The following C16orf96 variants were observed in gnomAD, a reference collection of about 807,000 sequenced individuals.
The protein encoded by C16orf96 is uncharacterized protein C16orf96.
Under a neutral mutation model 103.6 loss-of-function variants are expected in C16orf96, and 108 were observed. The ratio of observed to expected loss-of-function variants is 1.04; its 90% CI spans 0.89 to 1.22. The LOEUF (loss-of-function observed/expected upper bound fraction) is 1.22. Among genes scored for constraint, C16orf96 ranks in the 50% most tolerant of loss-of-function variants. The pLI is 0.00. For missense variants in C16orf96, 1,586 were observed against 1,464.2 expected, an observed-to-expected ratio of 1.08 and a Z score of -1.36; for synonymous variants, 566 against 593.5, an observed-to-expected ratio of 0.95 and a Z score of 0.67.
Position 4,575,922 on chromosome 16 carries a change from A to G in C16orf96, c.1442A>G (p.Asp481Gly). 1 of 1,551,570 alleles carries G rather than the reference A, an allele frequency of 6.4e-7. No homozygotes were observed. The highest frequency in any genetic ancestry group is 1.4e-5 in the African/African-American group (1 of 73,164). The change falls in exon 5 of 16, where the codon GAT (aspartate) becomes GGT (glycine). Residue 481 changes from aspartate to glycine, a missense_variant. Transcript: ENST00000444310. Reference sequence around the variant, plus strand: ...GCCCGCAAGGATGGGGCCCCCAAGGATAGAACTCGCAAGGATGGGGTCCCC... The same window carrying G: ...GCCCGCAAGGATGGGGCCCCCAAGGGTAGAACTCGCAAGGATGGGGTCCCC... ...ERARKDGAPK[D>G]RTRKDGVPKD... is the part of the protein sequence containing the mutation.
In C16orf96 at chr16:4,569,921, T is replaced by C. The variant is rs558164598; in HGVS notation, c.421-1640T>C. Among the ~76,000 whole-genome samples, 11 of 152,202 alleles carry C rather than the reference T, an allele frequency of 7.2e-5. No homozygotes were observed. The South Asian group carries it at 1.9e-3, about 26-fold the overall frequency. On this transcript the variant is annotated intron_variant, in intron 1 of 15. Transcript: ENST00000444310. Reference sequence around the variant, plus strand: ...GTTGAAAGCGTGCCCATGGCCACTTTTACAACTTACTTCTTCCCAGGAAGG... The same window carrying C: ...GTTGAAAGCGTGCCCATGGCCACTTCTACAACTTACTTCTTCCCAGGAAGG...
chr16:4,587,030 T>C lies in C16orf96; in HGVS notation c.2353-9T>C, dbSNP rs1896942901. On this transcript the variant is annotated splice_polypyrimidine_tract_variant and intron_variant, in intron 7 of 15. Transcript: ENST00000444310. Reference sequence around the variant, plus strand: ...AGGATGGCAGACATGCCTGTGCTTCTGTTCTTAGACTCTCCAGGCTCAAAT... The same window carrying C: ...AGGATGGCAGACATGCCTGTGCTTCCGTTCTTAGACTCTCCAGGCTCAAAT... 1 of 1,551,038 alleles carries C rather than the reference T, an allele frequency of 6.4e-7. No homozygotes were observed. Among genetic ancestry groups the C allele is most frequent in the Admixed American group, 2.0e-5 (1 of 50,968 alleles).
chr16:4,588,442 A>C, intron 9 of C16orf96, 111 bp downstream of exon 9: 1 of 1,271,876 alleles, frequency 7.9e-7, no homozygotes, highest in Non-Finnish European at 1.1e-6. Flanking sequence ...TTTGGGAGTG[A>C]CCCAGCAACT....
rs562927009 is a variant in C16orf96 at position 4,574,845 on chromosome 16, G to A, written c.606+56G>A. On this transcript the variant is annotated intron_variant, in intron 3 of 15. Coordinates refer to ENST00000444310, the MANE Select transcript of C16orf96 (RefSeq NM_001145011.2). ...TCCCCCTGGGACCCCCCAACCTCCC[G>A]GGTCCTGGGTGCTGAGGGTAGGGAG... 5.4e-5 allele frequency: 83 copies of A among 1,535,210 alleles called. No homozygotes were observed. In the South Asian group the frequency reaches 6.2e-4, roughly 11 times the overall value.
the C16orf96 span, among the ~76,000 whole-genome samples, chr16:4,541,012 CA>C: frequency 1.3e-5 from 2 of 151,670 alleles, no homozygotes; most frequent in Non-Finnish European, 2.9e-5. Flanking sequence ...CTCCCAGGTT[CA>C]AGCAATTCTC....
At chr16:4,572,888 C>T (rs1162305410) in intron 2 of C16orf96, among the ~76,000 whole-genome samples, 1 of 152,170 alleles carries the variant, frequency 6.6e-6, no homozygotes, top group Non-Finnish European at 1.5e-5. Flanking sequence ...AGGCAGCTGT[C>T]CCCGTCACAA....
In C16orf96 at chr16:4,599,264, CTCTTT is replaced by C. The variant is rs779349009; in HGVS notation, c.3128-11_3128-7del. On this transcript the variant is annotated splice_polypyrimidine_tract_variant and intron_variant, in intron 14 of 15. Transcript: ENST00000444310. ...AGGGGTGGATGCCACCCACACCTGT[CTCTTT>C]TCTTTTCTGCTAAGCTGTGAAGGCT... 6.5e-6 allele frequency: 10 copies of C among 1,550,002 alleles called. No homozygotes were observed. The highest frequency in any genetic ancestry group is 8.7e-6 in the Non-Finnish European group (10 of 1,145,562).
At position 4,590,835 on chromosome 16, in the gene C16orf96, A is replaced by T. The variant is rs183107502; in HGVS notation, c.2593-831A>T. Among the ~76,000 whole-genome samples, 306 of 150,546 alleles carry T rather than the reference A, an allele frequency of 2.0e-3. 1 individual carries two copies. Among genetic ancestry groups the T allele is most frequent in the Non-Finnish European group, 4.0e-3 (268 of 67,744 alleles). On this transcript the variant is annotated intron_variant, in intron 9 of 15. Transcript: ENST00000444310. ...GGAGTTTGAGACCAGCCTGGCTAAC[A>T]TGGTGAAACCCCATGTCTACTAAAA...
chr16:4,579,738 A>G (rs1193605342), intron 6 of C16orf96, among the ~76,000 whole-genome samples: 2 of 151,620 alleles, frequency 1.3e-5, no homozygotes, highest in African/African-American at 2.4e-5. Flanking sequence ...CAGCCTCCCT[A>G]GTAGCTGGGA....
intron 14 of C16orf96, among the ~76,000 whole-genome samples, chr16:4,598,518 G>A (rs1897220333): frequency 6.6e-6 from 1 of 152,244 alleles, no homozygotes; most frequent in East Asian, 1.9e-4. Flanking sequence ...TTCAGAACAA[G>A]ATAGTGGTGG....
At chr16:4,592,856 C>T (rs1213065211) in intron 11 of C16orf96, among the ~76,000 whole-genome samples, 3 of 151,902 alleles carry the variant, frequency 2.0e-5, no homozygotes, top group Admixed American at 2.0e-4. Context: ...AGTGAGACCT[C>T]ATATCAAAAA....
rs544494964 is a variant in C16orf96 at position 4,586,531 on chromosome 16, A to G, written c.2353-508A>G. Among the ~76,000 whole-genome samples, 182 of 152,296 alleles carry G rather than the reference A, an allele frequency of 1.2e-3. 1 individual carries two copies. The highest frequency in any genetic ancestry group is 4.3e-3 in the African/African-American group (177 of 41,574). Reference sequence around the variant, plus strand: ...AAGCTGACCAGCTGCTGCTCCTATTACAATGGGGATGTAGTAATTGGAGAG... The same window carrying G: ...AAGCTGACCAGCTGCTGCTCCTATTGCAATGGGGATGTAGTAATTGGAGAG... On this transcript the variant is annotated intron_variant, in intron 7 of 15. Coordinates refer to ENST00000444310, the MANE Select transcript of C16orf96 (RefSeq NM_001145011.2).
intron 1 of C16orf96, chr16:4,560,595 A>C (rs841205): frequency 0.93 from 140,873 of 151,174 alleles, 65,888 homozygotes; most frequent in East Asian, 1. Context: ...CAAACACACA[A>C]AAAAAAAACA....
At chr16:4,570,430 A>T (rs2059425397) in intron 1 of C16orf96, among the ~76,000 whole-genome samples, 2 of 148,556 alleles carry the variant, frequency 1.3e-5, no homozygotes, top group South Asian at 2.1e-4. Flanking sequence ...GTGGAAAAAA[A>T]CTCAGTTTCT....
At chr16:4,578,873 C>T in intron 5 of C16orf96, 67 bp from the exon 6 acceptor site, 1 of 1,267,950 alleles carries the variant, frequency 7.9e-7, no homozygotes, top group Non-Finnish European at 1.1e-6. Context: ...AGAGAAGCAG[C>T]TAGAGCCCAA....
At chr16:4,578,917 G>A (rs1378910484) in intron 5 of C16orf96, 23 bp from the exon 6 acceptor site, 2 of 1,545,644 alleles carry the variant, frequency 1.3e-6, no homozygotes, top group South Asian at 1.2e-5. Flanking sequence ...GCCCTCAGCA[G>A]CCACCCTGTC....
At chr16:4,595,048 G>A (rs766769616) in intron 14 of C16orf96, among the ~76,000 whole-genome samples, 4 of 152,334 alleles carry the variant, frequency 2.6e-5, no homozygotes, top group Admixed American at 1.3e-4. Context: ...AGAGAGGGCC[G>A]TGGCCACAGG....
chr16:4,570,087 G>A (rs113494284), intron 1 of C16orf96, among the ~76,000 whole-genome samples: 116 of 146,846 alleles, frequency 7.9e-4, no homozygotes, highest in African/African-American at 2.7e-3. Context: ...GGCGCTTTGT[G>A]CCCCTTCCCC....
At chr16:4,590,770 G>A (rs905645492) in intron 9 of C16orf96, among the ~76,000 whole-genome samples, 1 of 150,500 alleles carries the variant, frequency 6.6e-6, no homozygotes, top group African/African-American at 2.5e-5. Flanking sequence ...TGTAATCCCA[G>A]CACTTTGGGA....
Sources: allele counts gnomAD v4.1 joint callset (sites outside exome capture counted in the v4.1 genomes callset), GRCh38; gene constraint gnomAD v4.1.1; transcripts MANE v1.5; gene names NCBI Gene and HGNC (gene_info 2026-07-23, HGNC 2026-07-21).